The following GLG1 variants were observed in gnomAD, a reference collection of about 807,000 sequenced individuals.
The protein encoded by GLG1 is golgi glycoprotein 1, also known as Golgi apparatus protein 1.
In GLG1, 38 loss-of-function variants were observed where a neutral mutation model predicts 160.5. That is an observed-to-expected ratio of 0.24 (90% confidence interval 0.18 to 0.31). GLG1 has a LOEUF of 0.31. GLG1 is among the 10% of genes least tolerant of loss of function. GLG1 has a pLI of 1.00. For synonymous variants in GLG1, 644 were observed against 543.4 expected (o/e 1.19, Z -2.57); for missense variants, 1,373 against 1,505.2 (o/e 0.91, Z 1.45).
intron 12 of GLG1, among the ~76,000 whole-genome samples, chr16:74,476,976 A>G (rs1434820433): frequency 2.0e-5 from 3 of 152,212 alleles, no homozygotes; most frequent in South Asian, 2.1e-4. Context: ...GGAGAAAATG[A>G]ATTAAAAATG....
At chr16:74,461,900 T>C (rs1320193767) in intron 22 of GLG1, 194 bp downstream of exon 22, 1 of 519,802 alleles carries the variant, frequency 1.9e-6, no homozygotes, top group Non-Finnish European at 3.4e-6. Context: ...AACAACGCTT[T>C]AGAGTGTCAG....
intron 1 of GLG1, among the ~76,000 whole-genome samples, chr16:74,543,662 G>A (rs2143665638): frequency 6.6e-6 from 1 of 152,238 alleles, no homozygotes; most frequent in Middle Eastern, 3.4e-3. Flanking sequence ...TATAGTTTGG[G>A]AAATACTGAT....
At chr16:74,597,939 C>T (rs1226632266) in intron 1 of GLG1, among the ~76,000 whole-genome samples, 5 of 151,852 alleles carry the variant, frequency 3.3e-5, no homozygotes, top group Admixed American at 6.6e-5. Flanking sequence ...TCGCTTGAAC[C>T]CGGGAGCCAG....
chr16:74,529,673 G>A (rs559768653), intron 2 of GLG1, among the ~76,000 whole-genome samples: 1 of 151,912 alleles, frequency 6.6e-6, no homozygotes, highest in South Asian at 2.1e-4. Flanking sequence ...TAGAATTTCT[G>A]GGTTATATAA....
intron 1 of GLG1, among the ~76,000 whole-genome samples, chr16:74,598,494 T>G (rs988287914): frequency 6.9e-6 from 1 of 145,224 alleles, no homozygotes; most frequent in South Asian, 2.2e-4. Flanking sequence ...GCACTCTAGC[T>G]TGGTGACAGA....
At chr16:74,596,150 C>G (rs1958297077) in intron 1 of GLG1, among the ~76,000 whole-genome samples, 1 of 152,078 alleles carries the variant, frequency 6.6e-6, no homozygotes, top group Non-Finnish European at 1.5e-5. Context: ...AGGATTTACC[C>G]CTTCAAAGTG....
At chr16:74,582,602 C>T (rs188091347) in intron 1 of GLG1, among the ~76,000 whole-genome samples, 1 of 151,672 alleles carries the variant, frequency 6.6e-6, no homozygotes, top group Admixed American at 6.6e-5. Context: ...AGGCGGATCA[C>T]GAGGTCAGGA....
At chr16:74,592,094 A>G (rs561929753) in intron 1 of GLG1, among the ~76,000 whole-genome samples, 1 of 152,148 alleles carries the variant, frequency 6.6e-6, no homozygotes, top group Admixed American at 6.6e-5. Flanking sequence ...TTGGCCGCCT[A>G]AAGTGCTGGG....
intron 1 of GLG1, among the ~76,000 whole-genome samples, chr16:74,556,556 T>C (rs1288543179): frequency 1.3e-5 from 2 of 152,062 alleles, no homozygotes; most frequent in African/African-American, 4.8e-5. Flanking sequence ...TGGTGGTTCA[T>C]GCCTGTGGTC....
intron 21 of GLG1, 51 bp downstream of exon 21, chr16:74,462,437 G>A: frequency 6.5e-7 from 1 of 1,531,420 alleles, no homozygotes; most frequent in Non-Finnish European, 8.9e-7. Flanking sequence ...AAAATTCCCA[G>A]GGACAGAGGC....
At chr16:74,539,534 G>A (rs1005192268) in intron 1 of GLG1, among the ~76,000 whole-genome samples, 48 of 147,144 alleles carry the variant, frequency 3.3e-4, no homozygotes, top group Non-Finnish European at 6.2e-4. Flanking sequence ...GTGGGAATTA[G>A]CAGAATGACT....
intron 1 of GLG1, among the ~76,000 whole-genome samples, chr16:74,543,529 T>C (rs2017962601): frequency 6.6e-6 from 1 of 152,118 alleles, no homozygotes; most frequent in African/African-American, 2.4e-5. Context: ...ATGTTAGTAA[T>C]GTGCATAAAA....
chr16:74,538,557 G>C lies in GLG1; in HGVS notation c.439-6404C>G, dbSNP rs192263461. On this transcript the variant is annotated intron_variant, in intron 1 of 25. Coordinates refer to ENST00000422840, the MANE Select transcript of GLG1 (RefSeq NM_001145667.2). Reference sequence around the variant, plus strand: ...TTTATTTTTCTTATTTGTACCCAGGGATAGTGGCTGAGTATTGTTTTTCCA... The same window carrying C: ...TTTATTTTTCTTATTTGTACCCAGGCATAGTGGCTGAGTATTGTTTTTCCA... Among the ~76,000 whole-genome samples the C allele has an allele frequency of 1.4e-4, 22 of 152,208 alleles. No homozygotes were observed. In the East Asian group the frequency reaches 3.5e-3, roughly 24 times the overall value.
At chr16:74,481,909 C>T (rs2015614051) in intron 10 of GLG1, among the ~76,000 whole-genome samples, 1 of 152,150 alleles carries the variant, frequency 6.6e-6, no homozygotes, top group African/African-American at 2.4e-5. Flanking sequence ...CCTCAGCCTC[C>T]CGAGTAGCTG....
intron 1 of GLG1, among the ~76,000 whole-genome samples, chr16:74,543,415 T>C (rs1010205696): frequency 6.6e-6 from 1 of 152,166 alleles, no homozygotes; most frequent in Non-Finnish European, 1.5e-5. Context: ...AGTAATGTGT[T>C]ATGTTAGAGC....
In GLG1 at chr16:74,463,372, C is replaced by T. The variant is rs200896820; in HGVS notation, c.2775G>A (p.Gln925=). 1 of 1,614,174 alleles carries T rather than the reference C, an allele frequency of 6.2e-7. No homozygotes were observed. The highest frequency in any genetic ancestry group is 1.7e-5 in the Admixed American group (1 of 60,024). ...PKCKQMITKR[Q]ITQNTDYRLN... ...AGATCTTACCTGTGTTCTGGGTGATCTGGCGCTTGGTTATCATCTGTTTGC... is the reference window on the plus strand; with the variant it reads ...AGATCTTACCTGTGTTCTGGGTGATTTGGCGCTTGGTTATCATCTGTTTGC... Residue 925 remains glutamine (Q), a synonymous_variant, in exon 20 of 26, where the codon CAG becomes CAA. Coordinates refer to ENST00000422840, the MANE Select transcript of GLG1 (RefSeq NM_001145667.2).
rs753406599 is a variant in GLG1 at position 74,472,305 on chromosome 16, A to G, written c.2115+44T>C. 10 of 1,359,652 alleles carry G rather than the reference A, an allele frequency of 7.4e-6. No individual in the cohort carries two copies. The South Asian group carries it at 8.2e-5, about 11-fold the overall frequency. 84.2% of individuals were successfully genotyped at this position (1,359,652 alleles called of 1,614,324 possible). ...GATACTCAGGGGAGAGTCCCTGTCA[A>G]TTTGTTTCTGTTTTTAACCCTTGCT... On this transcript the variant is annotated intron_variant, in intron 14 of 25. Coordinates refer to ENST00000422840, the MANE Select transcript of GLG1 (RefSeq NM_001145667.2).
chr16:74,511,598 AAAAAGAAAG>A (rs1597289407), intron 2 of GLG1, among the ~76,000 whole-genome samples: 3 of 150,084 alleles, frequency 2.0e-5, no homozygotes, highest in Non-Finnish European at 3.0e-5. Flanking sequence ...AAAAAAAAAA[AAAAAGAAAG>A]AAAGAAAGAA....
chr16:74,558,520 A>G (rs2018413394), intron 1 of GLG1, among the ~76,000 whole-genome samples: 1 of 152,244 alleles, frequency 6.6e-6, no homozygotes, highest in African/African-American at 2.4e-5. Flanking sequence ...CACCTGCTTT[A>G]CAACATTTGA....
Sources: allele counts gnomAD v4.1 joint callset (sites outside exome capture counted in the v4.1 genomes callset), GRCh38; gene constraint gnomAD v4.1.1; transcripts MANE v1.5; gene names NCBI Gene and HGNC (gene_info 2026-07-23, HGNC 2026-07-21).